Variants in SCG3 observed in about 807,000 individuals in gnomAD.
The protein encoded by SCG3 is secretogranin III, also known as secretogranin-3.
A neutral mutation model predicts 56.2 loss-of-function variants in SCG3; 38 were observed. That is an observed-to-expected ratio of 0.68 (90% CI 0.52 to 0.89). SCG3 has a LOEUF of 0.89. Among genes scored for constraint, SCG3 ranks in the 40% least tolerant of loss-of-function variants. The probability of loss-of-function intolerance (pLI) is 0.00; values close to 1 mark genes in which losing one functional copy is unlikely to be tolerated. For missense variants in SCG3, 524 were observed against 540.7 expected (o/e 0.97, Z 0.31); for synonymous variants, 176 against 184.2 (o/e 0.96, Z 0.36).
At position 51,683,139 on chromosome 15, in the gene SCG3, T is replaced by G. The variant is rs373895566; in HGVS notation, c.181+15T>G. On this transcript the variant is annotated intron_variant, in intron 3 of 11. Coordinates refer to ENST00000220478, the MANE Select transcript of SCG3 (RefSeq NM_013243.4). Reference sequence around the variant, plus strand: ...ATATCCTCCAGGTAAAAAGAAATCATATTGATGTTAATTTAAATAATGTAG... The same window carrying G: ...ATATCCTCCAGGTAAAAAGAAATCAGATTGATGTTAATTTAAATAATGTAG... 15 of 1,604,532 alleles carry G rather than the reference T, an allele frequency of 9.3e-6. No individual in the cohort carries two copies. Among genetic ancestry groups the G allele is most frequent in the Non-Finnish European group, 1.3e-5 (15 of 1,174,104 alleles).
chr15:51,686,333 T>G (rs1045269293), intron 4 of SCG3, among the ~76,000 whole-genome samples: 4 of 152,230 alleles, frequency 2.6e-5, no homozygotes, highest in African/African-American at 9.6e-5. Flanking sequence ...CCTAAGTTCC[T>G]GGCTCAAGAG....
chr15:51,691,748 G>C (rs1410560633), intron 6 of SCG3, among the ~76,000 whole-genome samples: 1 of 152,190 alleles, frequency 6.6e-6, no homozygotes, highest in Non-Finnish European at 1.5e-5. Context: ...GCTAGGGATA[G>C]ACATTCTAAC....
rs759067139 is a variant in SCG3 at position 51,701,235 on chromosome 15, G to A, written c.1198G>A (p.Glu400Lys). The A allele has an allele frequency of 6.3e-7, 1 of 1,595,732 alleles. No individual in the cohort carries two copies. Among genetic ancestry groups the A allele is most frequent in the East Asian group, 2.2e-5 (1 of 44,764 alleles). ...CTCCAACCCAGGAGGAAAGACAGAT[G>A]AACCCAAAGGTATGGGATTGACAGC... The part of the protein sequence containing the change: ...DNSNPGGKTD[E>K]PKGKTEAYLE... The change falls in exon 10 of 12, where the codon GAA becomes AAA. Residue 400 changes from glutamate (E) to lysine (K), a missense_variant. Physicochemically the swap from Glu to Lys is moderately conservative, Grantham distance 56. Coordinates refer to ENST00000220478, the MANE Select transcript of SCG3 (RefSeq NM_013243.4).
chr15:51,710,822 T>G (rs1039962154), intron 10 of SCG3, among the ~76,000 whole-genome samples: 1 of 149,956 alleles, frequency 6.7e-6, no homozygotes, highest in Non-Finnish European at 1.5e-5. Flanking sequence ...TCTCAAACTC[T>G]TAGGTTCAAG....
chr15:51,696,032 A>G, intron 8 of SCG3, 41 bp downstream of exon 8: 1 of 1,183,056 alleles, frequency 8.5e-7, no homozygotes. Context: ...GGTGGTTTTC[A>G]TTGTTCAAAG....
At chr15:51,717,227 G>A (rs970528169) in intron 11 of SCG3, among the ~76,000 whole-genome samples, 6 of 152,162 alleles carry the variant, frequency 3.9e-5, no homozygotes, top group African/African-American at 1.4e-4. Context: ...AATTAGCTGG[G>A]CGTGGTGGCA....
chr15:51,703,825 T>C (rs755212408), intron 10 of SCG3, among the ~76,000 whole-genome samples: 6 of 152,194 alleles, frequency 3.9e-5, no homozygotes, highest in Non-Finnish European at 8.8e-5. Context: ...TTTCCTATCT[T>C]ATACATTTTT....
At chr15:51,692,824 C>G (rs2055276262) in intron 7 of SCG3, among the ~76,000 whole-genome samples, 1 of 152,138 alleles carries the variant, frequency 6.6e-6, no homozygotes, top group African/African-American at 2.4e-5. Flanking sequence ...CACAATGAAT[C>G]TAACTAGTGT....
At chr15:51,713,448 A>C (rs746362329) in intron 11 of SCG3, 35 bp downstream of exon 11, 1 of 1,393,374 alleles carries the variant, frequency 7.2e-7, no homozygotes, top group Non-Finnish European at 1.0e-6. Context: ...TGCAAACTTC[A>C]CCCATTTGTC....
At chr15:51,711,500 G>C (rs1478221398) in intron 10 of SCG3, among the ~76,000 whole-genome samples, 1 of 152,140 alleles carries the variant, frequency 6.6e-6, no homozygotes, top group Admixed American at 6.5e-5. Context: ...GAGCCCTATG[G>C]GGATCAGTAA....
chr15:51,683,407 A>G lies in SCG3; in HGVS notation c.370A>G (p.Lys124Glu), dbSNP rs757573989. The G allele has an allele frequency of 6.2e-7, 1 of 1,611,362 alleles. No homozygotes were observed. Among genetic ancestry groups the G allele is most frequent in the Non-Finnish European group, 8.5e-7 (1 of 1,178,898 alleles). The change falls in exon 4 of 12, where the codon AAG becomes GAG. Residue 124 changes from lysine to glutamate, a missense_variant. By Grantham distance (56) the Lys-to-Glu change is moderately conservative. Transcript: ENST00000220478. ...ACTGATCGATGATTATGACTCTACT[A>G]AGAGTGGATTGGATCATAAATTTCA... Reference protein sequence around the residue: ...RKLIDDYDSTKSGLDHKFQDD... With the variant: ...RKLIDDYDSTESGLDHKFQDD...
At chr15:51,690,652 C>A (rs1264695894) in intron 6 of SCG3, among the ~76,000 whole-genome samples, 1 of 148,544 alleles carries the variant, frequency 6.7e-6, no homozygotes. Flanking sequence ...CTAGATTTAT[C>A]AAAAAAAAAA....
intron 10 of SCG3, among the ~76,000 whole-genome samples, chr15:51,708,851 T>TC (rs147151812): frequency 0.054 from 7,961 of 146,212 alleles, 648 homozygotes; most frequent in African/African-American, 0.19. Context: ...AGAACGAGAC[T>TC]CCATCTAAAA....
intron 2 of SCG3, among the ~76,000 whole-genome samples, chr15:51,682,835 T>C (rs1418846307): frequency 6.6e-6 from 1 of 152,210 alleles, no homozygotes; most frequent in Non-Finnish European, 1.5e-5. Context: ...TGTTGTAAGA[T>C]TGCCTAATTT....
intron 9 of SCG3, among the ~76,000 whole-genome samples, chr15:51,699,906 A>G (rs944171723): frequency 6.6e-6 from 1 of 151,570 alleles, no homozygotes; most frequent in Non-Finnish European, 1.5e-5. Context: ...CTATCACCCT[A>G]CTCAGCCCAT....
chr15:51,693,566 T>C (rs2055282476), intron 7 of SCG3: 1 of 152,248 alleles, frequency 6.6e-6, no homozygotes, highest in Admixed American at 6.5e-5. Flanking sequence ...GTGCAATGTT[T>C]CTGTTGTTAT....
At chr15:51,712,697 T>G (rs2055428106) in intron 10 of SCG3, among the ~76,000 whole-genome samples, 3 of 152,190 alleles carry the variant, frequency 2.0e-5, no homozygotes, top group South Asian at 4.1e-4. Flanking sequence ...ATGCCTGGTA[T>G]TCTCATGCCA....
chr15:51,718,117 G>C (rs1361231511), intron 11 of SCG3, among the ~76,000 whole-genome samples: 1 of 152,124 alleles, frequency 6.6e-6, no homozygotes. Context: ...TGAAACAAGG[G>C]ATATGGGAGT....
rs562583975 is a variant in SCG3, at chr15:51,696,982, A to T, written c.985+991A>T. On this transcript the variant is annotated intron_variant, in intron 8 of 11. Transcript: ENST00000220478. The stretch of plus-strand genomic sequence containing the variant: ...TGAACCTCATTTTTTTTCTAAATGA[A>T]AGTAGTTTTACTGGTTTTTCCTTGA... Among the ~76,000 whole-genome samples the T allele has an allele frequency of 2.0e-5, 3 of 152,268 alleles. No individual in the cohort carries two copies. The East Asian group carries it at 5.8e-4, about 29-fold the overall frequency.
Sources: allele counts gnomAD v4.1 joint callset (sites outside exome capture counted in the v4.1 genomes callset), GRCh38; gene constraint gnomAD v4.1.1; transcripts MANE v1.5; gene names NCBI Gene and HGNC (gene_info 2026-07-23, HGNC 2026-07-21).